Variants in KIAA1217 observed in about 807,000 individuals in gnomAD.
KIAA1217 encodes KIAA1217.
In KIAA1217, 88 loss-of-function variants were observed where a neutral mutation model predicts 163.9. The ratio of observed to expected loss-of-function variants is 0.54; its 90% confidence interval spans 0.45 to 0.64. The LOEUF (loss-of-function observed/expected upper bound fraction) is 0.64, where lower values mean the gene tolerates loss of function less well. Among genes scored for constraint, KIAA1217 ranks in the 30% least tolerant of loss-of-function variants. The pLI is 0.00. For synonymous variants in KIAA1217, 903 were observed against 923.1 expected (o/e 0.98, Z 0.39); for missense variants, 2,372 against 2,475.0 (o/e 0.96, Z 0.88).
At chr10:23,933,142 G>A (rs1843326253) in intron 1 of KIAA1217, among the ~76,000 whole-genome samples, 1 of 152,204 alleles carries the variant, frequency 6.6e-6, no homozygotes, top group African/African-American at 2.4e-5. Context: ...TATCTGCTAG[G>A]CGTTGTGGAG....
At chr10:24,502,299 A>T (rs1056296750) in intron 9 of KIAA1217, among the ~76,000 whole-genome samples, 2 of 132,944 alleles carry the variant, frequency 1.5e-5, no homozygotes, top group Non-Finnish European at 3.1e-5. Context: ...ATTTAGAACT[A>T]TGAGTTTAGA....
intron 2 of KIAA1217, among the ~76,000 whole-genome samples, chr10:24,199,599 A>G (rs980842821): frequency 6.6e-6 from 1 of 152,260 alleles, no homozygotes; most frequent in African/African-American, 2.4e-5. Flanking sequence ...CTTTCCCCAA[A>G]TTCAGCCTAC....
At chr10:24,273,031 G>T (rs534346711) in intron 2 of KIAA1217, among the ~76,000 whole-genome samples, 41 of 152,300 alleles carry the variant, frequency 2.7e-4, no homozygotes, top group Middle Eastern at 3.4e-3. Flanking sequence ...GTTATGGACA[G>T]AAGCCTTTAA....
chr10:24,042,967 T>C (rs1337921435), intron 2 of KIAA1217, among the ~76,000 whole-genome samples: 1 of 152,196 alleles, frequency 6.6e-6, no homozygotes, highest in Non-Finnish European at 1.5e-5. Flanking sequence ...GTATGGTTCA[T>C]TGAAAAGCGT....
At chr10:24,038,679 G>A (rs572381860) in intron 2 of KIAA1217, among the ~76,000 whole-genome samples, 40 of 152,026 alleles carry the variant, frequency 2.6e-4, no homozygotes, top group Middle Eastern at 3.4e-3. Flanking sequence ...GAAGGGAGAC[G>A]GCTTCCAGTG....
intron 1 of KIAA1217, among the ~76,000 whole-genome samples, chr10:23,928,653 A>G (rs1242510254): frequency 2.6e-5 from 4 of 152,156 alleles, no homozygotes; most frequent in South Asian, 2.1e-4. Flanking sequence ...CACTCATACA[A>G]TTACATAGTG....
rs139445618 is a variant in KIAA1217, at chr10:23,766,522, C to T, written c.-321+71288C>T. On this transcript the variant is annotated intron_variant, in intron 1 of 18. Coordinates refer to the KIAA1217 transcript ENST00000376462. ...CACTATGTGCTCAAGTTAGTTGATTCTCTGGGAACAAGAACACATCATTCT... is the reference window on the plus strand; with the variant it reads ...CACTATGTGCTCAAGTTAGTTGATTTTCTGGGAACAAGAACACATCATTCT... Among the ~76,000 whole-genome samples the T allele has an allele frequency of 6.7e-3, 1,019 of 151,496 alleles. 10 individuals carry two copies. The highest frequency in any genetic ancestry group is 0.017 in the Middle Eastern group (5 of 294).
intron 1 of KIAA1217, among the ~76,000 whole-genome samples, chr10:23,933,607 C>G (rs11013796): frequency 0.2 from 30,410 of 151,998 alleles, 3,312 homozygotes; most frequent in Middle Eastern, 0.27. Flanking sequence ...GAGCAGGCAC[C>G]CTACAGAATG....
Position 24,266,842 on chromosome 10 carries a change from C to T in KIAA1217, c.354+46933C>T, listed in dbSNP as rs377100678. On this transcript the variant is annotated intron_variant, in intron 2 of 20. Transcript: ENST00000376454. ...TGGCAACCCGCTCGGTCCCCTTCCA[C>T]GATGTGGAAGCTTTGTCCTTTGCTT... is the stretch of plus-strand genomic sequence containing the variant. Among the ~76,000 whole-genome samples the T allele has an allele frequency of 1.2e-4, 18 of 152,318 alleles. No homozygotes were observed. The East Asian group carries it at 2.5e-3, about 21-fold the overall frequency.
At chr10:24,219,458 G>A (rs2069283473) in intron 1 of KIAA1217, among the ~76,000 whole-genome samples, 168 bp from the exon 2 acceptor site, 1 of 152,070 alleles carries the variant, frequency 6.6e-6, no homozygotes, top group Non-Finnish European at 1.5e-5. Context: ...CTTTGATTGT[G>A]GATTTTCTCC....
In KIAA1217 at chr10:24,169,422, T is replaced by TATCTGAAAG. The variant is rs2065515142; in HGVS notation, c.-170-50202_-170-50201insCTGAAAGAT. Among the ~76,000 whole-genome samples the TATCTGAAAG allele has an allele frequency of 1.5e-4, 19 of 122,940 alleles. No individual in the cohort carries two copies. The Admixed American group carries it at 2.0e-3, about 13-fold the overall frequency. The allele number at this position is 122,940 out of a possible 152,430, so 80.7% of individuals were successfully genotyped here. A position where few individuals can be genotyped will look rare whatever the true frequency, so the allele number is the denominator to read the frequency against. On this transcript the variant is annotated intron_variant, in intron 2 of 18. Coordinates refer to the KIAA1217 transcript ENST00000376462. ...ATAAGACCACCATCAGTCTCTAGCATATATTCTGCTTTATCTTTCTTCACT... is the reference window on the plus strand; with the variant it reads ...ATAAGACCACCATCAGTCTCTAGCATATCTGAAAGATATTCTGCTTTATCTTTCTTCACT...
intron 1 of KIAA1217, among the ~76,000 whole-genome samples, chr10:23,727,761 A>T (rs752859933): frequency 6.6e-6 from 1 of 152,050 alleles, no homozygotes; most frequent in Non-Finnish European, 1.5e-5. Context: ...CCTATCATCT[A>T]CATTAGGTAT....
chr10:23,711,284 T>C (rs965584686), intron 1 of KIAA1217, among the ~76,000 whole-genome samples: 6 of 152,196 alleles, frequency 3.9e-5, no homozygotes, highest in African/African-American at 1.4e-4. Context: ...CAGATGGGAT[T>C]CTATTAAGAA....
chr10:24,491,660 G>A (rs1052365554), intron 6 of KIAA1217, among the ~76,000 whole-genome samples: 5 of 152,148 alleles, frequency 3.3e-5, no homozygotes, highest in African/African-American at 1.2e-4. Context: ...CAGACTGGAA[G>A]CAGAAAGAAG....
chr10:24,043,393 C>T (rs1564631660), intron 2 of KIAA1217, among the ~76,000 whole-genome samples: 1 of 152,030 alleles, frequency 6.6e-6, no homozygotes, highest in Non-Finnish European at 1.5e-5. Context: ...ACCTCTTCTC[C>T]ATTAAAAACT....
intron 2 of KIAA1217, among the ~76,000 whole-genome samples, chr10:24,333,874 T>C (rs1294082182): frequency 6.6e-6 from 1 of 152,244 alleles, no homozygotes; most frequent in East Asian, 1.9e-4. Flanking sequence ...AAGTTATTAA[T>C]GTTAAGTATG....
intron 4 of KIAA1217, among the ~76,000 whole-genome samples, chr10:24,437,370 G>A (rs1327916110): frequency 6.6e-6 from 1 of 152,214 alleles, no homozygotes; most frequent in Non-Finnish European, 1.5e-5. Context: ...ATATTTAAAG[G>A]AGAAAGAGAA....
At chr10:23,853,491 T>A (rs1237679839) in intron 1 of KIAA1217, among the ~76,000 whole-genome samples, 1 of 152,206 alleles carries the variant, frequency 6.6e-6, no homozygotes, top group Admixed American at 6.5e-5. Context: ...TGGTTGTGTC[T>A]CTGCCTGGCT....
intron 2 of KIAA1217, among the ~76,000 whole-genome samples, chr10:24,325,798 A>G (rs1229702916): frequency 6.6e-6 from 1 of 152,188 alleles, no homozygotes; most frequent in Non-Finnish European, 1.5e-5. Flanking sequence ...TCAGAGGGGC[A>G]ATAAGGGGAA....
Sources: allele counts gnomAD v4.1 joint callset (sites outside exome capture counted in the v4.1 genomes callset), GRCh38; gene constraint gnomAD v4.1.1; transcripts MANE v1.5; gene names NCBI Gene and HGNC (gene_info 2026-07-23, HGNC 2026-07-21).